RBKS: variants seen among roughly 807,000 people sequenced by gnomAD.
RBKS encodes ribokinase.
RBKS carries 33 observed loss-of-function variants against 33.9 expected under a neutral mutation model. That is an observed-to-expected ratio of 0.97 (90% confidence interval 0.74 to 1.30). The LOEUF is 1.30. Among genes scored for constraint, RBKS ranks in the 50% most tolerant of loss-of-function variants. The pLI, the probability that RBKS is intolerant of heterozygous loss-of-function variation, is 0.00. For missense variants in RBKS, 361 were observed against 392.6 expected, an observed-to-expected ratio of 0.92 and a Z score of 0.68; for synonymous variants, 125 against 143.0, an observed-to-expected ratio of 0.87 and a Z score of 0.90.
At chr2:27,859,763 G>T (rs1663935031) in intron 1 of RBKS, among the ~76,000 whole-genome samples, 1 of 151,862 alleles carries the variant, frequency 6.6e-6, no homozygotes, top group Non-Finnish European at 1.5e-5. Context: ...ACAATGGTAA[G>T]GCCACTGAGA....
At chr2:27,882,711 A>C (rs1664442583) in intron 1 of RBKS, among the ~76,000 whole-genome samples, 1 of 152,226 alleles carries the variant, frequency 6.6e-6, no homozygotes, top group African/African-American at 2.4e-5. Context: ...GATAAAGAAA[A>C]TGTGGTACAT....
intron 7 of RBKS, among the ~76,000 whole-genome samples, chr2:27,816,605 GTTTTT>G (rs1467961279): frequency 1.4e-5 from 2 of 145,696 alleles, no homozygotes; most frequent in Non-Finnish European, 3.0e-5. Flanking sequence ...AAGGATATGT[GTTTTT>G]TTGTTTTTTT....
chr2:27,782,183 A>C (rs1201174580), intron 7 of RBKS, among the ~76,000 whole-genome samples: 1 of 150,554 alleles, frequency 6.6e-6, no homozygotes, highest in Non-Finnish European at 1.5e-5. Context: ...TTTTAAAGAG[A>C]CATGGTCTCG....
At chr2:27,858,381 C>G in intron 2 of RBKS, 58 bp downstream of exon 2, 1 of 1,520,296 alleles carries the variant, frequency 6.6e-7, no homozygotes, top group Non-Finnish European at 8.9e-7. Flanking sequence ...ACAATGAACT[C>G]CAGTCTTAAA....
intron 7 of RBKS, among the ~76,000 whole-genome samples, chr2:27,805,515 T>A (rs879395551): frequency 6.6e-6 from 1 of 152,216 alleles, no homozygotes; most frequent in Non-Finnish European, 1.5e-5. Flanking sequence ...ATTTCCCAGC[T>A]TTCCCGGGTC....
chr2:27,788,696 A>G (rs1473179254), intron 7 of RBKS, among the ~76,000 whole-genome samples: 4 of 152,172 alleles, frequency 2.6e-5, no homozygotes, highest in African/African-American at 4.8e-5. Flanking sequence ...AACAGAGCGA[A>G]AAAAACCAAT....
Position 27,785,456 on chromosome 2 carries a change from G to A in RBKS, c.796-3668C>T, listed in dbSNP as rs190775076. ...TAGGTAATAAACACACGAAAAGATG[G>A]TAATGACTAGAAAATGTGTAACGCT... On this transcript the variant is annotated intron_variant, in intron 7 of 7. Coordinates refer to ENST00000302188, the MANE Select transcript of RBKS (RefSeq NM_022128.3). 3.6e-4 allele frequency among the ~76,000 whole-genome samples: 55 copies of A among 152,228 alleles called. 2 individuals are homozygous for A. Among genetic ancestry groups the A allele is most frequent in the African/African-American group, 1.3e-3 (53 of 41,546 alleles).
intron 1 of RBKS, among the ~76,000 whole-genome samples, chr2:27,885,851 T>C (rs1159593159): frequency 6.6e-6 from 1 of 152,224 alleles, no homozygotes; most frequent in Non-Finnish European, 1.5e-5. Flanking sequence ...ATAAATTCAA[T>C]AAATATTTCT....
At chr2:27,805,178 A>G (rs972914474) in intron 7 of RBKS, among the ~76,000 whole-genome samples, 1 of 152,176 alleles carries the variant, frequency 6.6e-6, no homozygotes, top group African/African-American at 2.4e-5. Flanking sequence ...CACTAACGAT[A>G]GCTGATGAGG....
Position 27,837,726 on chromosome 2 carries a change from C to G in RBKS, c.515-4949G>C, listed in dbSNP as rs1474353361. Among the ~76,000 whole-genome samples the G allele has an allele frequency of 1.3e-5, 2 of 152,118 alleles. No individual in the cohort carries two copies. The highest frequency in any genetic ancestry group is 1.3e-4 in the Admixed American group (2 of 15,276). ...AATCCTAATCAAATTAAAATAAGAACAGAAAACCAAATACCACATGTATTC... is the reference window on the plus strand; with the variant it reads ...AATCCTAATCAAATTAAAATAAGAAGAGAAAACCAAATACCACATGTATTC... On this transcript the variant is annotated intron_variant, in intron 5 of 7. Coordinates refer to ENST00000302188, the MANE Select transcript of RBKS (RefSeq NM_022128.3). The surrounding 1 kb of genome is among the most constrained non-coding windows in gnomAD (Gnocchi z 4.0).
chr2:27,869,201 T>C (rs554359381), intron 1 of RBKS, among the ~76,000 whole-genome samples: 49 of 152,286 alleles, frequency 3.2e-4, no homozygotes, highest in Middle Eastern at 3.4e-3. Flanking sequence ...GATTTTATAA[T>C]TTATTGTGTA....
intron 7 of RBKS, among the ~76,000 whole-genome samples, chr2:27,801,775 C>T (rs13019037): frequency 0.26 from 39,478 of 150,286 alleles, 5,963 homozygotes; most frequent in East Asian, 0.62. Context: ...TGGTGGAGGA[C>T]GAAGCAGGAG....
intron 7 of RBKS, among the ~76,000 whole-genome samples, chr2:27,785,321 A>G (rs1677376161): frequency 6.6e-6 from 1 of 152,234 alleles, no homozygotes; most frequent in Non-Finnish European, 1.5e-5. Context: ...TACATGTAAC[A>G]TATCCTCAGT....
intron 7 of RBKS, chr2:27,809,697 A>G (rs1677957186): frequency 9.4e-6 from 3 of 318,762 alleles, no homozygotes; most frequent in Non-Finnish European, 1.8e-5. Context: ...TTTTCTGCTA[A>G]ATGTTCATCT....
intron 1 of RBKS, among the ~76,000 whole-genome samples, chr2:27,862,172 A>G (rs1231259133): frequency 6.6e-6 from 1 of 151,456 alleles, no homozygotes; most frequent in African/African-American, 2.4e-5. Flanking sequence ...CTGGTCTCAA[A>G]CTTTTGGACT....
At chr2:27,814,625 T>G (rs1678053725) in intron 7 of RBKS, among the ~76,000 whole-genome samples, 1 of 152,212 alleles carries the variant, frequency 6.6e-6, no homozygotes, top group Admixed American at 6.5e-5. Context: ...TTTTCCTAAT[T>G]GGGAACAGGA....
chr2:27,873,728 C>T (rs1425719674), intron 1 of RBKS, among the ~76,000 whole-genome samples: 8 of 151,868 alleles, frequency 5.3e-5, no homozygotes, highest in Non-Finnish European at 1.2e-4. Flanking sequence ...AAAACTGTTG[C>T]ACAAATTATT....
chr2:27,819,114 T>C (rs1394106715), intron 7 of RBKS, among the ~76,000 whole-genome samples: 1 of 152,168 alleles, frequency 6.6e-6, no homozygotes, highest in African/African-American at 2.4e-5. Context: ...TGTGACAAAA[T>C]ACCATGGACT....
At chr2:27,799,162 T>C (rs1275959267) in intron 7 of RBKS, among the ~76,000 whole-genome samples, 1 of 152,200 alleles carries the variant, frequency 6.6e-6, no homozygotes, top group Non-Finnish European at 1.5e-5. Flanking sequence ...ATGAAAGTTC[T>C]GGTTTGCCAA....
Sources: allele counts gnomAD v4.1 joint callset (sites outside exome capture counted in the v4.1 genomes callset), GRCh38; gene constraint gnomAD v4.1.1; non-coding constraint Gnocchi (gnomAD v3.1); transcripts MANE v1.5; gene names NCBI Gene and HGNC (gene_info 2026-07-23, HGNC 2026-07-21).